ADARB1: variants seen among roughly 807,000 people sequenced by gnomAD.
The protein encoded by ADARB1 is double-stranded RNA-specific editase 1.
In ADARB1, 10 loss-of-function variants were observed where a neutral mutation model predicts 52.4. That is an observed-to-expected ratio of 0.19 (90% CI 0.12 to 0.32). The LOEUF is 0.32. ADARB1 is among the 10% of genes least tolerant of loss of function. The pLI, the probability that ADARB1 is intolerant of heterozygous loss-of-function variation, is 1.00. For synonymous variants in ADARB1, 349 were observed against 371.1 expected (o/e 0.94, Z 0.68); for missense variants, 643 against 922.3 (o/e 0.70, Z 3.92).
At chr21:45,107,336 A>T (rs181783434) in intron 1 of ADARB1, among the ~76,000 whole-genome samples, 2 of 152,352 alleles carry the variant, frequency 1.3e-5, no homozygotes, top group Admixed American at 1.3e-4. Context: ...GAAAGCAAAA[A>T]GACTCAGCTT....
intron 8 of ADARB1, among the ~76,000 whole-genome samples, chr21:45,189,550 C>T (rs374139747): frequency 1.3e-5 from 2 of 152,154 alleles, no homozygotes; most frequent in South Asian, 2.1e-4. Flanking sequence ...TTTTTCCATA[C>T]AGCTTAATGT....
chr21:45,223,488 G>T lies in ADARB1; in HGVS notation c.*1291G>T. Reference sequence around the variant, plus strand: ...CTCAGAGATTTGCACCAGGTGCCTTGTTGCCTCCGCTCAGGATGAAAGAGG... The same window carrying T: ...CTCAGAGATTTGCACCAGGTGCCTTTTTGCCTCCGCTCAGGATGAAAGAGG... On this transcript the variant is annotated 3_prime_UTR_variant, in exon 11 of 11. Coordinates refer to ENST00000348831, the MANE Select transcript of ADARB1 (RefSeq NM_001112.4). 2.0e-6 allele frequency: 2 copies of T among 985,668 alleles called. No individual in the cohort carries two copies. Among genetic ancestry groups the T allele is most frequent in the South Asian group, 9.4e-5 (2 of 21,298 alleles). 61.1% of individuals were successfully genotyped at this position (985,668 alleles called of 1,614,324 possible). A position where few individuals can be genotyped will look rare whatever the true frequency, so the allele number is the denominator to read the frequency against.
intron 1 of ADARB1, among the ~76,000 whole-genome samples, chr21:45,083,912 G>C (rs895278777): frequency 6.6e-6 from 1 of 152,178 alleles, no homozygotes; most frequent in African/African-American, 2.4e-5. Flanking sequence ...TGTTGCCCAG[G>C]CTGGTCTCGA....
At chr21:45,138,176 C>T (rs2089498731) in intron 2 of ADARB1, among the ~76,000 whole-genome samples, 1 of 152,206 alleles carries the variant, frequency 6.6e-6, no homozygotes, top group Non-Finnish European at 1.5e-5. Flanking sequence ...GAAAGGGCTG[C>T]ATCCTGCACT....
chr21:45,131,668 C>T (rs1300802240), intron 2 of ADARB1, among the ~76,000 whole-genome samples: 1 of 152,222 alleles, frequency 6.6e-6, no homozygotes, highest in Non-Finnish European at 1.5e-5. Context: ...ACCGACTGGT[C>T]AGGAACTAAA....
intron 1 of ADARB1, chr21:45,100,538 C>A (rs3171490): frequency 0.028 from 4,195 of 152,334 alleles, 56 homozygotes; most frequent in South Asian, 0.053. Flanking sequence ...TAAATATTTT[C>A]TTTTGATTCC....
chr21:45,098,896 T>C (rs1243797140), intron 1 of ADARB1, among the ~76,000 whole-genome samples: 2 of 152,220 alleles, frequency 1.3e-5, no homozygotes, highest in African/African-American at 4.8e-5. Flanking sequence ...TGACCTGAGC[T>C]CACTGCCTCT....
chr21:45,085,657 A>AT (rs1350089839), intron 1 of ADARB1, among the ~76,000 whole-genome samples: 1 of 152,190 alleles, frequency 6.6e-6, no homozygotes. Flanking sequence ...CTACTCTGGA[A>AT]TTTTTTCCCT....
chr21:45,134,945 C>G, intron 2 of ADARB1: 1 of 409,356 alleles, frequency 2.4e-6, no homozygotes, highest in Non-Finnish European at 5.0e-6. Flanking sequence ...TGCAGATGCC[C>G]AGGTGGGTCT....
chr21:45,224,495 G>GCAGGGCGGC lies in ADARB1; in HGVS notation c.*2298_*2299insCAGGGCGGC. On this transcript the variant is annotated 3_prime_UTR_variant, in exon 11 of 11. Coordinates refer to ENST00000348831, the MANE Select transcript of ADARB1 (RefSeq NM_001112.4). ...GGCAACTGGGTTCTGGGAGCCCTGG[G>GCAGGGCGGC]TGGGGCAGCTGTGGGGAGGAACTGG... 1 of 1,031,772 alleles carries GCAGGGCGGC rather than the reference G, an allele frequency of 9.7e-7. No homozygotes were observed. The highest frequency in any genetic ancestry group is 1.1e-4 in the East Asian group (1 of 9,334). The allele number at this position is 1,031,772 out of a possible 1,614,324, so 63.9% of individuals were successfully genotyped here.
intron 2 of ADARB1, among the ~76,000 whole-genome samples, chr21:45,154,349 C>T (rs139425473): frequency 6.6e-6 from 1 of 152,142 alleles, no homozygotes; most frequent in African/African-American, 2.4e-5. Flanking sequence ...TTGTAATAAG[C>T]ATTATCTTTG....
At position 45,204,677 on chromosome 21, in the gene ADARB1, G is replaced by A. The variant is rs1364071684; in HGVS notation, c.1688G>A (p.Arg563Gln). ...GDHLSRAMYQ[R>Q]ISNIEDLPPL... Reference sequence around the variant, plus strand: ...CACCTTTCCAGGGCCATGTACCAGCGGATCTCCAACATAGAGGACCTGCCA... The same window carrying A: ...CACCTTTCCAGGGCCATGTACCAGCAGATCTCCAACATAGAGGACCTGCCA... Residue 563 changes from arginine to glutamine, a missense_variant, in exon 9 of 11, where the codon CGG becomes CAG. By Grantham distance (43) the Arg-to-Gln change is conservative. This residue lies in a region of ADARB1 where 263 missense variants were observed against 475.8 expected (regional missense o/e 0.55). Coordinates refer to ENST00000348831, the MANE Select transcript of ADARB1 (RefSeq NM_001112.4). The surrounding 1 kb of genome is among the most constrained non-coding windows in gnomAD (Gnocchi z 4.4). The A allele has an allele frequency of 1.9e-6, 3 of 1,614,096 alleles. No individual in the cohort carries two copies. The highest frequency in any genetic ancestry group is 1.7e-5 in the Admixed American group (1 of 60,012).
At chr21:45,099,500 A>T (rs1214555494) in intron 1 of ADARB1, among the ~76,000 whole-genome samples, 1 of 78,060 alleles carries the variant, frequency 1.3e-5, no homozygotes, top group Non-Finnish European at 2.8e-5. Context: ...CCCTATCTCT[A>T]CTAAAAGTAC....
chr21:45,219,009 G>A (rs1373160048), intron 9 of ADARB1, among the ~76,000 whole-genome samples: 4 of 152,180 alleles, frequency 2.6e-5, no homozygotes, highest in African/African-American at 9.7e-5. Context: ...TTATGCAAGT[G>A]TCTTTTTAAA....
chr21:45,103,715 T>C (rs1341751870), intron 1 of ADARB1, among the ~76,000 whole-genome samples: 1 of 152,140 alleles, frequency 6.6e-6, no homozygotes, highest in Non-Finnish European at 1.5e-5. Context: ...ACCATGCTCA[T>C]GTAAGATCTT....
intron 1 of ADARB1, among the ~76,000 whole-genome samples, chr21:45,116,411 T>A (rs1321766311): frequency 6.6e-6 from 1 of 152,252 alleles, no homozygotes; most frequent in East Asian, 1.9e-4. Flanking sequence ...GTATGCTTAT[T>A]ACAGACTGTG....
At chr21:45,184,217 G>T (rs576620756) in intron 7 of ADARB1, among the ~76,000 whole-genome samples, 358 of 152,200 alleles carry the variant, frequency 2.4e-3, no homozygotes, top group Non-Finnish European at 4.0e-3. Flanking sequence ...CATCTGTCTA[G>T]ATTTATTTTG....
chr21:45,127,172 G>A (rs868846024), intron 1 of ADARB1, among the ~76,000 whole-genome samples: 16 of 152,112 alleles, frequency 1.1e-4, no homozygotes, highest in Admixed American at 6.5e-4. Context: ...AGCTGGATTC[G>A]GACTGAGTGG....
chr21:45,086,262 T>A (rs527467252), intron 1 of ADARB1, among the ~76,000 whole-genome samples: 1 of 152,334 alleles, frequency 6.6e-6, no homozygotes, highest in East Asian at 1.9e-4. Flanking sequence ...ATGCTTTGAG[T>A]CTTCACCTTT....
Sources: allele counts gnomAD v4.1 joint callset (sites outside exome capture counted in the v4.1 genomes callset), GRCh38; gene constraint gnomAD v4.1.1; regional missense constraint gnomAD v4.1.1; non-coding constraint Gnocchi (gnomAD v3.1); transcripts MANE v1.5; gene names NCBI Gene and HGNC (gene_info 2026-07-23, HGNC 2026-07-21).